PDZD2: variants seen among roughly 807,000 people sequenced by gnomAD.
The protein encoded by PDZD2 is PDZ domain-containing protein 2.
In PDZD2, 90 loss-of-function variants were observed where a neutral mutation model predicts 220.7. The observed-to-expected ratio is 0.41, with a 90% confidence interval of 0.34 to 0.49. PDZD2 has a LOEUF of 0.49. Ranked by LOEUF, PDZD2 falls within the 20% of genes least tolerant of loss-of-function variation. PDZD2 has a pLI of 0.28. For missense variants in PDZD2, 3,174 were observed against 3,608.5 expected, an observed-to-expected ratio of 0.88 and a Z score of 3.08; for synonymous variants, 1,375 against 1,450.5, an observed-to-expected ratio of 0.95 and a Z score of 1.18.
chr5:31,733,299 A>G (rs187210340), intron 1 of PDZD2, among the ~76,000 whole-genome samples: 1 of 152,318 alleles, frequency 6.6e-6, no homozygotes, highest in East Asian at 1.9e-4. Flanking sequence ...CGTATTTAGC[A>G]TGCATCAAAC....
intron 1 of PDZD2, among the ~76,000 whole-genome samples, chr5:31,746,755 C>T (rs943798575): frequency 2.6e-5 from 4 of 152,224 alleles, no homozygotes; most frequent in Non-Finnish European, 5.9e-5. Context: ...CCAGGGAACC[C>T]TTTGATTTCT....
intron 1 of PDZD2, among the ~76,000 whole-genome samples, chr5:31,713,889 G>T (rs1177522194): frequency 2.6e-5 from 4 of 152,208 alleles, no homozygotes; most frequent in Non-Finnish European, 5.9e-5. Context: ...ATCTTGAGAT[G>T]CTCACCAGAT....
chr5:31,798,767 G>T (rs1317493172), intron 1 of PDZD2, 122 bp from the exon 2 acceptor site: 1 of 160,652 alleles, frequency 6.2e-6, no homozygotes, highest in Non-Finnish European at 1.4e-5. Flanking sequence ...TAGGTTCTGG[G>T]TTTGTGCTTG....
In PDZD2 at chr5:32,042,902, C is replaced by T. The variant is rs898788644; in HGVS notation, c.1519+5560C>T. On this transcript the variant is annotated intron_variant, in intron 7 of 24. Coordinates refer to ENST00000438447, the MANE Select transcript of PDZD2 (RefSeq NM_178140.4). ...AGGGCTCCCAGGGAGGTGCCCAGAA[C>T]TCTGAGGAAATACAGGGGCCTCTGA... Among the ~76,000 whole-genome samples the T allele has an allele frequency of 2.6e-5, 4 of 152,174 alleles. No individual in the cohort carries two copies. In the East Asian group the frequency reaches 5.8e-4, roughly 22 times the overall value.
intron 3 of PDZD2, among the ~76,000 whole-genome samples, chr5:31,993,462 T>G (rs1043273576): frequency 4.6e-5 from 7 of 152,212 alleles, no homozygotes; most frequent in African/African-American, 1.4e-4. Flanking sequence ...CATCAATGAC[T>G]GCCCAACATC....
chr5:32,093,496 C>A (rs951319879), intron 21 of PDZD2, among the ~76,000 whole-genome samples: 2 of 152,134 alleles, frequency 1.3e-5, no homozygotes, highest in Non-Finnish European at 2.9e-5. Context: ...GGGCACTGAC[C>A]TTCGAGCAGT....
intron 5 of PDZD2, among the ~76,000 whole-genome samples, chr5:32,008,884 C>T (rs78702908): frequency 0.014 from 2,078 of 152,248 alleles, 42 homozygotes; most frequent in Admixed American, 0.055. Flanking sequence ...GCGTGGGCCT[C>T]AGTCGTGAAA....
chr5:31,895,233 C>T (rs1265083792), intron 2 of PDZD2, among the ~76,000 whole-genome samples: 3 of 152,100 alleles, frequency 2.0e-5, no homozygotes, highest in South Asian at 4.1e-4. Context: ...ATGTTTTTGT[C>T]CCCCTACAGT....
rs150463122 is a variant in PDZD2, at chr5:31,705,140, G to A, written c.-361+65703G>A. Among the ~76,000 whole-genome samples, 1,057 of 151,640 alleles carry A rather than the reference G, an allele frequency of 7.0e-3. 18 individuals are homozygous for A. Among genetic ancestry groups the A allele is most frequent in the African/African-American group, 0.024 (1,002 of 41,294 alleles). ...TGTGCCACTGCAATCCAGCCTGGGCGACAGAGTGAGACTCCATCTCAAAAA... is the reference window on the plus strand; with the variant it reads ...TGTGCCACTGCAATCCAGCCTGGGCAACAGAGTGAGACTCCATCTCAAAAA... On this transcript the variant is annotated intron_variant, in intron 1 of 24. Coordinates refer to ENST00000438447, the MANE Select transcript of PDZD2 (RefSeq NM_178140.4).
At position 32,090,534 on chromosome 5, in the gene PDZD2, G is replaced by T. The variant is rs773779389; in HGVS notation, c.7086G>T (p.Ser2362=). 1.2e-6 allele frequency: 2 copies of T among 1,613,616 alleles called. No homozygotes were observed. Among genetic ancestry groups the T allele is most frequent in the African/African-American group, 2.7e-5 (2 of 74,890 alleles). Residue 2362 remains serine, a synonymous_variant, in exon 20 of 25, where the codon TCG becomes TCT. Coordinates refer to ENST00000438447, the MANE Select transcript of PDZD2 (RefSeq NM_178140.4). The surrounding 1 kb of genome is among the most constrained non-coding windows in gnomAD (Gnocchi z 4.3). ...AGTCCGGGGCTTCCCCATTTTTGTC[G>T]GTGAGCTCCAAGCCTCCCATTGGGA... ...VAKSGASPFL[S]VSSKPPIGRR...
In PDZD2 at chr5:31,742,976, T is replaced by C. The variant is rs73056574; in HGVS notation, c.-360-55913T>C. 1.3e-3 allele frequency among the ~76,000 whole-genome samples: 199 copies of C among 152,318 alleles called. 3 individuals are homozygous for C. The highest frequency in any genetic ancestry group is 4.7e-3 in the African/African-American group (197 of 41,584). On this transcript the variant is annotated intron_variant, in intron 1 of 24. Coordinates refer to ENST00000438447, the MANE Select transcript of PDZD2 (RefSeq NM_178140.4). The stretch of plus-strand genomic sequence containing the variant: ...GGTAGTGCTAGATAGAAAATTGAGC[T>C]TCTAAGTGAATTCAGAAACTTTTCC...
chr5:31,703,570 C>A, intron 1 of PDZD2, among the ~76,000 whole-genome samples: 1 of 152,060 alleles, frequency 6.6e-6, no homozygotes, highest in East Asian at 1.9e-4. Flanking sequence ...TGCAGCAAAC[C>A]CATGGCACAT....
chr5:31,990,539 G>A lies in PDZD2; in HGVS notation c.979-5037G>A, dbSNP rs374551342. ...ACTCGGTCTCTCCAACTGGACCAGG[G>A]TTCACACAATGAACACTGGCAAACA... On this transcript the variant is annotated intron_variant, in intron 3 of 24. Transcript: ENST00000438447. 3.3e-5 allele frequency among the ~76,000 whole-genome samples: 5 copies of A among 152,192 alleles called. 1 individual carries two copies. In the East Asian group the frequency reaches 9.6e-4, roughly 29 times the overall value.
intron 2 of PDZD2, among the ~76,000 whole-genome samples, chr5:31,946,205 G>T (rs1746615971): frequency 6.6e-6 from 1 of 152,236 alleles, no homozygotes; most frequent in Non-Finnish European, 1.5e-5. Context: ...GTTTCACCAT[G>T]TTGGCCAGAC....
intron 1 of PDZD2, among the ~76,000 whole-genome samples, chr5:31,648,131 G>A (rs764149831): frequency 1.3e-5 from 2 of 152,156 alleles, no homozygotes; most frequent in African/African-American, 4.8e-5. Context: ...CCTGGGACTC[G>A]TCCTTGGATC....
intron 1 of PDZD2, among the ~76,000 whole-genome samples, chr5:31,775,523 A>T (rs977555667): frequency 2.6e-5 from 4 of 151,534 alleles, no homozygotes; most frequent in Non-Finnish European, 5.9e-5. Context: ...ATTTGTCCCT[A>T]CTCCAGTCTG....
intron 1 of PDZD2, among the ~76,000 whole-genome samples, chr5:31,785,850 C>T (rs572339527): frequency 1.3e-5 from 2 of 152,208 alleles, no homozygotes; most frequent in East Asian, 1.9e-4. Flanking sequence ...CGGTGGTTTT[C>T]GTCCTAGTTC....
At chr5:31,968,860 G>A (rs1187686639) in intron 2 of PDZD2, among the ~76,000 whole-genome samples, 1 of 4,382 alleles carries the variant, frequency 2.3e-4, no homozygotes, top group Non-Finnish European at 3.9e-4. Context: ...AAGCTACCCA[G>A]CCTACAGTAA....
At chr5:31,981,507 T>C (rs1220560113) in intron 2 of PDZD2, among the ~76,000 whole-genome samples, 1 of 152,194 alleles carries the variant, frequency 6.6e-6, no homozygotes, top group Non-Finnish European at 1.5e-5. Flanking sequence ...TCCAATGTAA[T>C]GTAATGACTG....
Sources: allele counts gnomAD v4.1 joint callset (sites outside exome capture counted in the v4.1 genomes callset), GRCh38; gene constraint gnomAD v4.1.1; non-coding constraint Gnocchi (gnomAD v3.1); transcripts MANE v1.5; gene names NCBI Gene and HGNC (gene_info 2026-07-23, HGNC 2026-07-21).